Variants in CCDC138 observed in about 807,000 individuals in gnomAD.
CCDC138 encodes coiled-coil domain-containing protein 138.
In CCDC138, 66 loss-of-function variants were observed where a neutral mutation model predicts 82.3. That is an observed-to-expected ratio of 0.80 (90% CI 0.66 to 0.98). CCDC138 has a LOEUF of 0.98. Among genes scored for constraint, CCDC138 ranks in the 50% least tolerant of loss-of-function variants. The probability of loss-of-function intolerance (pLI) is 0.00; values close to 1 mark genes in which losing one functional copy is unlikely to be tolerated. For synonymous variants in CCDC138, 297 were observed against 265.4 expected (o/e 1.12, Z -1.16); for missense variants, 816 against 758.9 (o/e 1.08, Z -0.88).
intron 11 of CCDC138, among the ~76,000 whole-genome samples, chr2:108,841,432 A>G (rs1689464791): frequency 6.8e-6 from 1 of 147,834 alleles, no homozygotes; most frequent in East Asian, 2.0e-4. Context: ...ATATTTTGTA[A>G]CTGTGTTCTT....
chr2:108,842,831 A>T (rs748376065), intron 11 of CCDC138, among the ~76,000 whole-genome samples: 139 of 152,238 alleles, frequency 9.1e-4, no homozygotes, highest in Non-Finnish European at 1.3e-3. Flanking sequence ...TCAAATTATA[A>T]GCATTCACTA....
At chr2:108,850,167 T>A (rs1293578044) in intron 12 of CCDC138, among the ~76,000 whole-genome samples, 4 of 152,174 alleles carry the variant, frequency 2.6e-5, no homozygotes, top group African/African-American at 7.2e-5. Flanking sequence ...ACTAAACATT[T>A]AAACATAAGA....
intron 7 of CCDC138, among the ~76,000 whole-genome samples, chr2:108,807,198 T>C (rs984707579): frequency 2.0e-5 from 3 of 152,224 alleles, no homozygotes; most frequent in Non-Finnish European, 4.4e-5. Context: ...GCAATGACTT[T>C]AAAATAATGA....
chr2:108,882,258 G>C (rs2105349542), intron 1 of CCDC138: 1 of 152,116 alleles, frequency 6.6e-6, no homozygotes, highest in Non-Finnish European at 1.5e-5. Flanking sequence ...TTACCAAAAT[G>C]TGAGCTCATG....
At chr2:108,838,624 C>T (rs1292755759) in intron 10 of CCDC138, among the ~76,000 whole-genome samples, 1 of 152,106 alleles carries the variant, frequency 6.6e-6, no homozygotes, top group East Asian at 1.9e-4. Flanking sequence ...AATTCATAGA[C>T]ATCCTTAAAC....
intron 10 of CCDC138, among the ~76,000 whole-genome samples, chr2:108,833,456 T>G (rs974890199): frequency 3.3e-5 from 5 of 152,032 alleles, no homozygotes; most frequent in Admixed American, 2.6e-4. Flanking sequence ...AGAGATAGAG[T>G]AGGCAGGTTT....
At chr2:108,823,480 C>T (rs1386806368) in intron 10 of CCDC138, among the ~76,000 whole-genome samples, 1 of 152,164 alleles carries the variant, frequency 6.6e-6, no homozygotes, top group Non-Finnish European at 1.5e-5. Context: ...ACTTTTTGTG[C>T]AAACATTGTA....
rs532119431 is a variant in CCDC138 at position 108,791,900 on chromosome 2, T to G, written c.394+98T>G. The G allele has an allele frequency of 8.0e-6, 10 of 1,248,270 alleles. No homozygotes were observed. The East Asian group carries it at 2.3e-4, about 29-fold the overall frequency. 77.3% of individuals were successfully genotyped at this position (1,248,270 alleles called of 1,614,324 possible). On this transcript the variant is annotated intron_variant, in intron 4 of 14. Coordinates refer to ENST00000295124, the MANE Select transcript of CCDC138 (RefSeq NM_144978.3). ...AGTAATAACACTGGCCCCCAAGAGTTTGCATATTTCTGTGTTCTGAACTTC... is the reference window on the plus strand; with the variant it reads ...AGTAATAACACTGGCCCCCAAGAGTGTGCATATTTCTGTGTTCTGAACTTC...
chr2:108,817,927 C>T (rs1241701293), intron 10 of CCDC138, among the ~76,000 whole-genome samples: 1 of 152,158 alleles, frequency 6.6e-6, no homozygotes, highest in African/African-American at 2.4e-5. Context: ...TCAATTATTT[C>T]CCTAAATCTA....
At chr2:108,869,798 G>C (rs1694963488) in intron 13 of CCDC138, among the ~76,000 whole-genome samples, 1 of 152,142 alleles carries the variant, frequency 6.6e-6, no homozygotes, top group African/African-American at 2.4e-5. Flanking sequence ...TCAGGTGCTT[G>C]ATAAGTAGTG....
At chr2:108,880,096 A>G (rs547863083), downstream of CCDC138, among the ~76,000 whole-genome samples, 45 of 152,286 alleles carry the variant, frequency 3.0e-4, 1 homozygote, top group African/African-American at 9.9e-4. Flanking sequence ...TTTAAAAAAC[A>G]GAAATCAATG....
chr2:108,809,822 T>C (rs1449911090), intron 7 of CCDC138, among the ~76,000 whole-genome samples: 2 of 139,018 alleles, frequency 1.4e-5, no homozygotes, highest in Non-Finnish European at 3.2e-5. Flanking sequence ...GTTTGTTTGT[T>C]TGTGATGGAG....
chr2:108,842,936 C>A (rs1221164341), intron 11 of CCDC138, among the ~76,000 whole-genome samples: 1 of 152,150 alleles, frequency 6.6e-6, no homozygotes, highest in African/African-American at 2.4e-5. Context: ...ATCCCTTAAC[C>A]TTTTCTGTAT....
At chr2:108,857,509 A>C (rs963132694) in intron 13 of CCDC138, among the ~76,000 whole-genome samples, 1 of 152,092 alleles carries the variant, frequency 6.6e-6, no homozygotes, top group African/African-American at 2.4e-5. Flanking sequence ...CACATCTCTG[A>C]CTCTAGACCT....
intron 5 of CCDC138, among the ~76,000 whole-genome samples, chr2:108,795,451 C>G (rs1218946943): frequency 6.6e-6 from 1 of 152,088 alleles, no homozygotes; most frequent in Non-Finnish European, 1.5e-5. Context: ...GCCACAGTGC[C>G]CAGCCTAAAG....
Position 108,798,428 on chromosome 2 carries a change from T to C in CCDC138, c.577T>C (p.Cys193Arg). The change falls in exon 6 of 15, where the codon TGT becomes CGT. Residue 193 changes from cysteine to arginine, a missense_variant and splice_region_variant. By Grantham distance (180) the Cys-to-Arg change is radical (BLOSUM62 -3). Transcript: ENST00000295124. ...ELFQIHLKLQ[C>R]ETAAQQKFAE... Reference sequence around the variant, plus strand: ...ATTAAAGTCTGGCATTTTGATACAGTGTGAAACTGCAGCACAACAGAAATT... The same window carrying C: ...ATTAAAGTCTGGCATTTTGATACAGCGTGAAACTGCAGCACAACAGAAATT... The C allele has an allele frequency of 1.2e-6, 2 of 1,611,292 alleles. No individual in the cohort carries two copies. Among genetic ancestry groups the C allele is most frequent in the Non-Finnish European group, 1.7e-6 (2 of 1,179,024 alleles).
chr2:108,855,547 C>G (rs1307644723), intron 12 of CCDC138, among the ~76,000 whole-genome samples: 7 of 151,436 alleles, frequency 4.6e-5, no homozygotes, highest in Non-Finnish European at 7.4e-5. Flanking sequence ...CAGAATCTAG[C>G]AACTTTGTTT....
rs1680563233 is a variant in CCDC138 at position 108,794,711 on chromosome 2, T to C, written c.566T>C (p.Leu189Pro). ...TATGACGAATTATTTCAGATACATCTGAAATTGCAGGTAAGAACTAAATAC... is the reference window on the plus strand; with the variant it reads ...TATGACGAATTATTTCAGATACATCCGAAATTGCAGGTAAGAACTAAATAC... ...QIYDELFQIHLKLQCETAAQQ... is the reference protein window; with the variant it reads ...QIYDELFQIHPKLQCETAAQQ... Residue 189 changes from leucine (L) to proline (P), a missense_variant, in exon 5 of 15, where the codon CTG (leucine) becomes CCG (proline). Physicochemically the swap from Leu to Pro is moderately conservative, Grantham distance 98 (BLOSUM62 -3). Coordinates refer to ENST00000295124, the MANE Select transcript of CCDC138 (RefSeq NM_144978.3). 2 of 1,610,758 alleles carry C rather than the reference T, an allele frequency of 1.2e-6. No individual in the cohort carries two copies. Among genetic ancestry groups the C allele is most frequent in the Admixed American group, 3.4e-5 (2 of 59,698 alleles).
downstream of CCDC138, chr2:108,878,458 C>A: frequency 4.6e-6 from 1 of 215,978 alleles, no homozygotes; most frequent in South Asian, 7.9e-5. Flanking sequence ...CACGCTGGGT[C>A]TGTAAGGAAT....
Sources: gnomAD v4.1 joint callset for allele counts (sites outside exome capture counted in the v4.1 genomes callset) on GRCh38, gnomAD v4.1.1 for gene constraint, MANE v1.5 for transcripts, NCBI Gene and HGNC (gene_info 2026-07-23, HGNC 2026-07-21) for gene names.